The following GBE1 variants were observed in gnomAD, a reference collection of about 807,000 sequenced individuals.
GBE1 encodes 1,4-alpha-glucan-branching enzyme.
GBE1 carries 70 observed loss-of-function variants against 88.8 expected under a neutral mutation model. The observed-to-expected ratio is 0.79, with a 90% CI of 0.65 to 0.96. GBE1 has a LOEUF of 0.96. GBE1 is among the 40% of genes least tolerant of loss of function. The probability of loss-of-function intolerance (pLI) is 0.00; values close to 1 mark genes in which losing one functional copy is unlikely to be tolerated. For synonymous variants in GBE1, 284 were observed against 300.1 expected (o/e 0.95, Z 0.56); for missense variants, 872 against 871.0 (o/e 1.00, Z -0.01).
At chr3:81,517,136 TA>T (rs1164496900) in intron 14 of GBE1, among the ~76,000 whole-genome samples, 1 of 151,480 alleles carries the variant, frequency 6.6e-6, no homozygotes, top group Non-Finnish European at 1.5e-5. Context: ...AAATCTTTCA[TA>T]AAAGGAAGAG....
intron 7 of GBE1, among the ~76,000 whole-genome samples, chr3:81,631,506 G>A (rs1234812081): frequency 1.3e-5 from 2 of 151,956 alleles, no homozygotes; most frequent in African/African-American, 4.8e-5. Context: ...GAAGGCCAAG[G>A]TGGGCAGATC....
At chr3:81,578,333 T>C (rs747535276) in intron 11 of GBE1, among the ~76,000 whole-genome samples, 1 of 152,054 alleles carries the variant, frequency 6.6e-6, no homozygotes, top group African/African-American at 2.4e-5. Context: ...ATTTTTAAAA[T>C]AGGTTGGTGA....
intron 2 of GBE1, among the ~76,000 whole-genome samples, chr3:81,677,470 A>T (rs2107124761): frequency 6.6e-6 from 1 of 152,332 alleles, no homozygotes; most frequent in East Asian, 1.9e-4. Context: ...ATGTCATTTA[A>T]TTACTTTGTA....
At chr3:81,650,091 T>A in intron 3 of GBE1, 170 bp from the exon 4 acceptor site, 1 of 499,862 alleles carries the variant, frequency 2.0e-6, no homozygotes, top group African/African-American at 2.0e-5. Flanking sequence ...GTTGGTTTTC[T>A]CATCTGCTGT....
chr3:81,558,523 A>C (rs1268664890), intron 12 of GBE1, among the ~76,000 whole-genome samples: 2 of 152,050 alleles, frequency 1.3e-5, no homozygotes, highest in Non-Finnish European at 2.9e-5. Context: ...TCAAAAATTC[A>C]GTTTTCTAAC....
chr3:81,561,210 A>G (rs1236953191), intron 12 of GBE1, among the ~76,000 whole-genome samples: 1 of 152,070 alleles, frequency 6.6e-6, no homozygotes. Flanking sequence ...TGCTTAAATC[A>G]AGTAGCTGTG....
At chr3:81,529,274 T>C (rs1702985160) in intron 14 of GBE1, among the ~76,000 whole-genome samples, 1 of 152,084 alleles carries the variant, frequency 6.6e-6, no homozygotes, top group South Asian at 2.1e-4. Context: ...GCCAGCATTT[T>C]AACTTTTTGT....
intron 7 of GBE1, among the ~76,000 whole-genome samples, chr3:81,639,589 T>C (rs1025919150): frequency 6.6e-6 from 1 of 152,186 alleles, no homozygotes; most frequent in African/African-American, 2.4e-5. Context: ...TTTTATTAGA[T>C]AAACTAACAA....
At chr3:81,526,828 C>G (rs1159302392) in intron 14 of GBE1, among the ~76,000 whole-genome samples, 1 of 152,088 alleles carries the variant, frequency 6.6e-6, no homozygotes, top group African/African-American at 2.4e-5. Flanking sequence ...CCATCCCCAT[C>G]CAGCTACCAA....
intron 2 of GBE1, among the ~76,000 whole-genome samples, chr3:81,692,994 T>C (rs1008328088): frequency 2.0e-5 from 3 of 152,184 alleles, no homozygotes; most frequent in African/African-American, 4.8e-5. Context: ...ATAAGATATA[T>C]AGGACAAATG....
At chr3:81,574,123 T>C (rs544156980) in intron 12 of GBE1, among the ~76,000 whole-genome samples, 4 of 152,272 alleles carry the variant, frequency 2.6e-5, no homozygotes, top group Non-Finnish European at 4.4e-5. Flanking sequence ...GAAAAGAACA[T>C]TGATTTTTAA....
intron 1 of GBE1, among the ~76,000 whole-genome samples, chr3:81,707,554 G>A (rs1410364300): frequency 6.6e-6 from 1 of 151,856 alleles, no homozygotes; most frequent in African/African-American, 2.4e-5. Flanking sequence ...CTGTGGAACT[G>A]TATGAATGTG....
chr3:81,740,692 G>A (rs973346638), intron 1 of GBE1, among the ~76,000 whole-genome samples: 24 of 151,282 alleles, frequency 1.6e-4, no homozygotes, highest in African/African-American at 5.1e-4. Flanking sequence ...TAGTGCCTCC[G>A]GATCACCTGT....
chr3:81,755,001 C>T (rs991666664), intron 1 of GBE1, among the ~76,000 whole-genome samples: 6 of 152,108 alleles, frequency 3.9e-5, no homozygotes, highest in African/African-American at 1.4e-4. Context: ...TAAAAAGCTT[C>T]TGCACAGCAA....
chr3:81,571,480 G>C (rs1703574455), intron 12 of GBE1, among the ~76,000 whole-genome samples: 1 of 152,112 alleles, frequency 6.6e-6, no homozygotes, highest in Non-Finnish European at 1.5e-5. Flanking sequence ...ATTTAAGTCT[G>C]CTAGTTCAGT....
At chr3:81,663,552 C>A (rs916083703) in intron 3 of GBE1, among the ~76,000 whole-genome samples, 1 of 152,156 alleles carries the variant, frequency 6.6e-6, no homozygotes, top group Non-Finnish European at 1.5e-5. Context: ...TAAAACCTTG[C>A]ATTCATTCTC....
chr3:81,498,385 G>T (rs1365746452), intron 15 of GBE1, among the ~76,000 whole-genome samples: 1 of 152,064 alleles, frequency 6.6e-6, no homozygotes, highest in Admixed American at 6.6e-5. Flanking sequence ...TGTTAGGTAC[G>T]TCCTAGAATT....
At chr3:81,701,800 T>C (rs183180701) in intron 2 of GBE1, among the ~76,000 whole-genome samples, 208 of 152,042 alleles carry the variant, frequency 1.4e-3, no homozygotes, top group Non-Finnish European at 2.7e-3. Context: ...ATAGGGTCTA[T>C]CTCTGTTGCC....
chr3:81,749,368 T>TA (rs1289001990), intron 1 of GBE1, among the ~76,000 whole-genome samples: 1 of 151,706 alleles, frequency 6.6e-6, no homozygotes, highest in East Asian at 1.9e-4. Flanking sequence ...CAAAAACTGA[T>TA]ATATGATTTC....
Sources: gnomAD v4.1 joint callset for allele counts (sites outside exome capture counted in the v4.1 genomes callset) on GRCh38, gnomAD v4.1.1 for gene constraint, MANE v1.5 for transcripts, NCBI Gene and HGNC (gene_info 2026-07-23, HGNC 2026-07-21) for gene names.